TLK1: variants seen among roughly 807,000 people sequenced by gnomAD.
TLK1 encodes serine/threonine-protein kinase tousled-like 1.
TLK1 carries 24 observed loss-of-function variants against 105.3 expected under a neutral mutation model. The observed-to-expected ratio is 0.23, with a 90% CI of 0.17 to 0.32. The LOEUF is 0.32. TLK1 is among the 10% of genes least tolerant of loss of function. The probability of loss-of-function intolerance (pLI) is 1.00; values close to 1 mark genes in which losing one functional copy is unlikely to be tolerated. For missense variants in TLK1, 558 were observed against 910.5 expected (o/e 0.61, Z 4.98); for synonymous variants, 321 against 310.4 (o/e 1.03, Z -0.36).
At chr2:171,180,347 A>G (rs1692907457) in intron 1 of TLK1, among the ~76,000 whole-genome samples, 2 of 152,170 alleles carry the variant, frequency 1.3e-5, no homozygotes, top group South Asian at 4.1e-4. Flanking sequence ...CCATATTGAT[A>G]TCTCTCTTCT....
At chr2:171,066,972 A>G in intron 3 of TLK1, 5 of 1,536,412 alleles carry the variant, frequency 3.3e-6, no homozygotes, top group Non-Finnish European at 4.4e-6. Context: ...AGTGCTTGTA[A>G]TAGTCAAATT....
intron 2 of TLK1, among the ~76,000 whole-genome samples, chr2:171,088,735 A>G (rs1321962687): frequency 6.6e-6 from 1 of 152,238 alleles, no homozygotes; most frequent in Non-Finnish European, 1.5e-5. Flanking sequence ...TTTCCAACCT[A>G]GAATTCTACC....
intron 1 of TLK1, among the ~76,000 whole-genome samples, chr2:171,156,194 AC>A (rs1364568416): frequency 6.6e-6 from 1 of 152,196 alleles, no homozygotes; most frequent in Non-Finnish European, 1.5e-5. Flanking sequence ...GATTCTCTTC[AC>A]ATATCTCAAC....
chr2:171,085,603 T>C (rs1323808636), intron 2 of TLK1, among the ~76,000 whole-genome samples: 1 of 151,900 alleles, frequency 6.6e-6, no homozygotes, highest in African/African-American at 2.4e-5. Context: ...GGAAAGAAAA[T>C]AAAAGCAAAG....
At chr2:171,096,612 G>C (rs1272216999) in intron 2 of TLK1, among the ~76,000 whole-genome samples, 1 of 151,914 alleles carries the variant, frequency 6.6e-6, no homozygotes, top group African/African-American at 2.4e-5. Context: ...ACAAAAATTA[G>C]CCAGGCATGG....
chr2:171,180,823 CTTTTTTTTTT>C (rs57223904), intron 1 of TLK1, among the ~76,000 whole-genome samples: 1 of 123,152 alleles, frequency 8.1e-6, no homozygotes, highest in African/African-American at 2.8e-5. Context: ...TAAGAGGATG[CTTTTTTTTTT>C]TTTTTTTTTT....
rs1553480394 is a variant in TLK1 at position 171,123,087 on chromosome 2, C to CACA, written c.140-5231_140-5230insTGT. On this transcript the variant is annotated intron_variant, in intron 1 of 20. Transcript: ENST00000431350. ...ACACACACACACACACACACACACA[C>CACA]TTCTTTTTTTAATAAAAGTTTGCTA... Among the ~76,000 whole-genome samples the CACA allele has an allele frequency of 1.6e-4, 24 of 151,132 alleles. 1 individual carries two copies. The highest frequency in any genetic ancestry group is 3.1e-4 in the Non-Finnish European group (21 of 67,786).
chr2:171,145,346 CT>C (rs1691749201), intron 1 of TLK1, among the ~76,000 whole-genome samples: 1 of 151,898 alleles, frequency 6.6e-6, no homozygotes, highest in Non-Finnish European at 1.5e-5. Context: ...AATCCCAGCA[CT>C]TTGGGAGGCC....
Position 171,196,101 on chromosome 2 carries a change from A to G in TLK1, c.-6+35044T>C, listed in dbSNP as rs1240391646. Among the ~76,000 whole-genome samples the G allele has an allele frequency of 4.1e-5, 6 of 144,822 alleles. No individual in the cohort carries two copies. In the East Asian group the frequency reaches 1.2e-3, roughly 30 times the overall value. Reference sequence around the variant, plus strand: ...GAAGGAGGAAAGGAAGGAAGGAAGGAAGGGAGGGACATTGTAGCTGGTTTT... The same window carrying G: ...GAAGGAGGAAAGGAAGGAAGGAAGGGAGGGAGGGACATTGTAGCTGGTTTT... On this transcript the variant is annotated intron_variant, in intron 1 of 20. Transcript: ENST00000521943.
chr2:171,014,680 G>A (rs141829040), intron 13 of TLK1, among the ~76,000 whole-genome samples, 171 bp downstream of exon 13: 106 of 152,276 alleles, frequency 7.0e-4, no homozygotes, highest in African/African-American at 2.4e-3. Context: ...AGTGAGGACA[G>A]TAAGGTGGCC....
intron 2 of TLK1, among the ~76,000 whole-genome samples, chr2:171,110,199 G>C (rs1575602217): frequency 6.6e-6 from 1 of 152,184 alleles, no homozygotes; most frequent in Non-Finnish European, 1.5e-5. Flanking sequence ...GCCAGGTGTG[G>C]TGGCTCATGC....
chr2:170,994,787 A>G (rs1347534782), intron 20 of TLK1: 6 of 454,592 alleles, frequency 1.3e-5, no homozygotes, highest in African/African-American at 8.1e-5. Flanking sequence ...AAATAGAATT[A>G]TAAATTATGT....
chr2:171,225,234 T>G (rs1693877158), intron 1 of TLK1, among the ~76,000 whole-genome samples: 1 of 152,166 alleles, frequency 6.6e-6, no homozygotes, highest in Admixed American at 6.5e-5. Flanking sequence ...GCAAATCATA[T>G]GTATAATAAG....
intron 18 of TLK1, among the ~76,000 whole-genome samples, chr2:171,002,838 T>C (rs1257041164): frequency 6.6e-6 from 1 of 151,922 alleles, no homozygotes; most frequent in African/African-American, 2.4e-5. Context: ...GGTTTTGCCA[T>C]GTTGCTCAGG....
chr2:170,993,617 T>C lies in TLK1; in HGVS notation c.*163A>G, dbSNP rs1683888265. ...TGTCCATGATCCTCTCTCATACAAA[T>C]GACACTATGAGGAACTTCAGTTCAC... On this transcript the variant is annotated 3_prime_UTR_variant, in exon 21 of 21. Transcript: ENST00000431350. The C allele has an allele frequency of 1.9e-6, 1 of 530,862 alleles. No homozygotes were observed. The highest frequency in any genetic ancestry group is 4.8e-5 in the Admixed American group (1 of 20,834). 32.9% of individuals were successfully genotyped at this position (530,862 alleles called of 1,614,324 possible).
At chr2:171,139,809 AGGGGTGGGGTGGGGT>A (rs747626209) in intron 1 of TLK1, among the ~76,000 whole-genome samples, 1 of 6,326 alleles carries the variant, frequency 1.6e-4, no homozygotes. Flanking sequence ...TCCATGGACC[AGGGGTGGGGTGGGGT>A]GGGGTGGGGT....
chr2:171,172,916 T>C (rs1044510302), intron 1 of TLK1, among the ~76,000 whole-genome samples: 1 of 152,230 alleles, frequency 6.6e-6, no homozygotes, highest in African/African-American at 2.4e-5. Context: ...ACCTTGTTGA[T>C]AAACTGGTAC....
chr2:171,104,356 AG>A (rs1689826144), intron 2 of TLK1, among the ~76,000 whole-genome samples: 1 of 152,140 alleles, frequency 6.6e-6, no homozygotes, highest in Admixed American at 6.6e-5. Flanking sequence ...AATGAGGTGA[AG>A]GGGTTCCCTT....
intron 2 of TLK1, among the ~76,000 whole-genome samples, chr2:171,115,174 C>CTTT (rs151300135): frequency 2.2e-5 from 3 of 137,668 alleles, no homozygotes; most frequent in African/African-American, 8.3e-5. Context: ...GAATTTCTTT[C>CTTT]TTTTTTTTTT....
Sources: allele counts gnomAD v4.1 joint callset (sites outside exome capture counted in the v4.1 genomes callset), GRCh38; gene constraint gnomAD v4.1.1; transcripts MANE v1.5; gene names NCBI Gene and HGNC (gene_info 2026-07-23, HGNC 2026-07-21).